TECTA: variants seen among roughly 807,000 people sequenced by gnomAD.
The protein encoded by TECTA is alpha-tectorin.
Under a neutral mutation model 216.8 loss-of-function variants are expected in TECTA, and 128 were observed. The ratio of observed to expected loss-of-function variants is 0.59; its 90% confidence interval spans 0.51 to 0.68. The LOEUF is 0.68. TECTA is among the 30% of genes least tolerant of loss of function. The pLI is 0.00. For synonymous variants in TECTA, 1,089 were observed against 1,117.1 expected, an observed-to-expected ratio of 0.97 and a Z score of 0.50; for missense variants, 2,551 against 2,786.2, an observed-to-expected ratio of 0.92 and a Z score of 1.90.
intron 10 of TECTA, among the ~76,000 whole-genome samples, chr11:121,136,987 T>C (rs1946733367): frequency 6.6e-6 from 1 of 152,214 alleles, no homozygotes; most frequent in South Asian, 2.1e-4. Flanking sequence ...GAAAGCTAGG[T>C]GCCCTAGCAG....
At position 121,157,876 on chromosome 11, in the gene TECTA, G is replaced by A; in HGVS notation, c.4341G>A (p.Arg1447=). The A allele has an allele frequency of 1.2e-6, 2 of 1,614,214 alleles. No individual in the cohort carries two copies. The highest frequency in any genetic ancestry group is 1.7e-6 in the Non-Finnish European group (2 of 1,180,044). Residue 1447 remains arginine (R), a synonymous_variant, in exon 14 of 24, where the codon CGG becomes CGA. Transcript: ENST00000392793. ...KQLFWNSDCT[R]RCRCFRRNVI... ...TATTTTGGAACAGCGACTGCACGCG[G>A]CGCTGCCGCTGTTTCCGTCGCAACG...
intron 7 of TECTA, among the ~76,000 whole-genome samples, chr11:121,120,175 G>A (rs186492500): frequency 6.6e-6 from 1 of 151,918 alleles, no homozygotes; most frequent in East Asian, 1.9e-4. Context: ...TTTTTTAGAA[G>A]GAAAGGGACA....
intron 15 of TECTA, 90 bp from the exon 16 acceptor site, chr11:121,161,985 A>G: frequency 6.4e-7 from 1 of 1,556,244 alleles, no homozygotes; most frequent in South Asian, 1.1e-5. Context: ...ACAATGCACT[A>G]GCTTCAGGGG....
intron 16 of TECTA, among the ~76,000 whole-genome samples, chr11:121,163,783 G>A (rs1190056997): frequency 2.6e-5 from 4 of 152,134 alleles, no homozygotes; most frequent in Admixed American, 1.3e-4. Flanking sequence ...GTAAATAAAC[G>A]TGTCCTTCCT....
rs554203373 is a variant in TECTA at position 121,158,118 on chromosome 11, T to C, written c.4583T>C (p.Ile1528Thr). Residue 1528 changes from isoleucine (I) to threonine (T), a missense_variant, in exon 14 of 24, where the codon ATC becomes ACC. Ile to Thr is a moderately conservative substitution (Grantham distance 89). Around this residue, in one of 3 missense-constraint regions of TECTA, gnomAD observed 2,375 missense variants for 2,563.9 expected, o/e 0.93. Transcript: ENST00000392793. ...QKLPDISFQL[I>T]INFDKWSAPN... ...CTGCCCGACATCTCCTTCCAGCTTATCATCAACTTCGACAAGTGGTCGGCC... is the reference window on the plus strand; with the variant it reads ...CTGCCCGACATCTCCTTCCAGCTTACCATCAACTTCGACAAGTGGTCGGCC... 3.7e-6 allele frequency: 6 copies of C among 1,614,204 alleles called. No individual in the cohort carries two copies. The African/African-American group carries it at 8.0e-5, about 22-fold the overall frequency.
intron 7 of TECTA, among the ~76,000 whole-genome samples, chr11:121,123,320 G>T (rs899235328): frequency 6.6e-6 from 1 of 152,110 alleles, no homozygotes; most frequent in Non-Finnish European, 1.5e-5. Flanking sequence ...TTACTCACCC[G>T]TACTAGATGC....
intron 20 of TECTA, among the ~76,000 whole-genome samples, chr11:121,182,638 T>C (rs1338797160): frequency 2.0e-5 from 3 of 152,102 alleles, no homozygotes; most frequent in Non-Finnish European, 4.4e-5. Context: ...GGGGCAGGTC[T>C]GTTGTCAGGC....
chr11:121,168,222 G>A lies in TECTA; in HGVS notation c.5750+5G>A, dbSNP rs1947075024. 1 of 1,614,012 alleles carries A rather than the reference G, an allele frequency of 6.2e-7. No homozygotes were observed. Among genetic ancestry groups the A allele is most frequent in the African/African-American group, 1.3e-5 (1 of 74,912 alleles). ...TGTTGTGAAGCCTATGCTAAGGTAA[G>A]GTGTCTCCTGGGCTGTGCACATTGC... On this transcript the variant is annotated splice_donor_5th_base_variant and intron_variant, in intron 19 of 23. Transcript: ENST00000392793.
Position 121,162,328 on chromosome 11 carries a change from T to C in TECTA, c.5230T>C (p.Phe1744Leu). The C allele has an allele frequency of 6.2e-7, 1 of 1,613,748 alleles. No individual in the cohort carries two copies. Among genetic ancestry groups the C allele is most frequent in the South Asian group, 1.1e-5 (1 of 91,086 alleles). ...CGCCTACGGGGAGGCCTGCCGCTCCTTCGGGATCCTTAGCACCGAGTGGAT... is the reference window on the plus strand; with the variant it reads ...CGCCTACGGGGAGGCCTGCCGCTCCCTCGGGATCCTTAGCACCGAGTGGAT... Reference protein sequence around the residue: ...LAAYGEACRSFGILSTEWIEK... With the variant: ...LAAYGEACRSLGILSTEWIEK... Residue 1744 changes from phenylalanine (F) to leucine (L), a missense_variant, in exon 16 of 24, where the codon TTC becomes CTC. Around this residue, in one of 3 missense-constraint regions of TECTA, gnomAD observed 2,375 missense variants for 2,563.9 expected, o/e 0.93. Coordinates refer to ENST00000392793, the MANE Select transcript of TECTA (RefSeq NM_005422.4).
At chr11:121,177,942 A>G (rs1256769531) in intron 20 of TECTA, among the ~76,000 whole-genome samples, 1 of 152,166 alleles carries the variant, frequency 6.6e-6, no homozygotes, top group Non-Finnish European at 1.5e-5. Context: ...CTGCTGTGCT[A>G]CCAATCAGCG....
chr11:121,188,172 T>A (rs1947306432), intron 21 of TECTA, among the ~76,000 whole-genome samples, 178 bp downstream of exon 21: 1 of 152,202 alleles, frequency 6.6e-6, no homozygotes. Flanking sequence ...TATTTACTCT[T>A]CTATCTCTGA....
intron 7 of TECTA, among the ~76,000 whole-genome samples, chr11:121,123,722 T>A (rs1417743766): frequency 6.6e-6 from 1 of 152,238 alleles, no homozygotes; most frequent in African/African-American, 2.4e-5. Context: ...AAAGCAGAAG[T>A]CAGATCGTGC....
At chr11:121,157,309 A>C (rs1447386243) in intron 13 of TECTA, among the ~76,000 whole-genome samples, 1 of 152,174 alleles carries the variant, frequency 6.6e-6, no homozygotes. Flanking sequence ...TCTTGATTAA[A>C]ATCAATCAAG....
chr11:121,133,024 G>A (rs376361413), intron 10 of TECTA, among the ~76,000 whole-genome samples: 4 of 152,222 alleles, frequency 2.6e-5, no homozygotes, highest in East Asian at 3.9e-4. Flanking sequence ...GAGCCACCAC[G>A]CCCGGCCAGT....
Position 121,191,243 on chromosome 11 carries a change from G to A in TECTA, c.*437G>A. 3.7e-6 allele frequency: 1 copy of A among 273,514 alleles called. No homozygotes were observed. The highest frequency in any genetic ancestry group is 2.2e-5 in the African/African-American group (1 of 45,206). The allele number at this position is 273,514 out of a possible 1,614,324, so 16.9% of individuals were successfully genotyped here. Reference sequence around the variant, plus strand: ...GACTGGAAGGTTTGACTCCCTCTAAGGAATCTTGCTGGTGTTTGGAAGTGT... The same window carrying A: ...GACTGGAAGGTTTGACTCCCTCTAAAGAATCTTGCTGGTGTTTGGAAGTGT... On this transcript the variant is annotated 3_prime_UTR_variant, in exon 24 of 24. Transcript: ENST00000392793.
intron 10 of TECTA, among the ~76,000 whole-genome samples, chr11:121,135,801 C>T (rs1049297082): frequency 7.9e-5 from 12 of 152,310 alleles, no homozygotes; most frequent in East Asian, 1.9e-4. Flanking sequence ...GTGGGGACTT[C>T]GCTGATCTTT....
In TECTA at chr11:121,113,738, T is replaced by C. The variant is rs1326093432; in HGVS notation, c.790+20T>C. 6.2e-7 allele frequency: 1 copy of C among 1,612,576 alleles called. No individual in the cohort carries two copies. Among genetic ancestry groups the C allele is most frequent in the Non-Finnish European group, 8.5e-7 (1 of 1,179,878 alleles). ...CAAGGGGTAAAGCTTTTCCTCTGTCTGTGGCAAGGCAGGGTTTGTTTAGTG... is the reference window on the plus strand; with the variant it reads ...CAAGGGGTAAAGCTTTTCCTCTGTCCGTGGCAAGGCAGGGTTTGTTTAGTG... On this transcript the variant is annotated intron_variant, in intron 6 of 23. Coordinates refer to ENST00000392793, the MANE Select transcript of TECTA (RefSeq NM_005422.4). The surrounding 1 kb of genome is among the most constrained non-coding windows in gnomAD (Gnocchi z 4.2).
intron 20 of TECTA, among the ~76,000 whole-genome samples, chr11:121,181,105 C>G (rs1947224034): frequency 6.6e-6 from 1 of 152,100 alleles, no homozygotes; most frequent in African/African-American, 2.4e-5. Flanking sequence ...GCAGAAGTTG[C>G]AGTGAGCTGA....
intron 14 of TECTA, 116 bp downstream of exon 14, chr11:121,158,340 G>A: frequency 1.4e-6 from 2 of 1,387,378 alleles, no homozygotes; most frequent in South Asian, 1.2e-5. Flanking sequence ...GCTTCATGGT[G>A]TTCCACACAC....
Sources: gnomAD v4.1 joint callset for allele counts (sites outside exome capture counted in the v4.1 genomes callset) on GRCh38, gnomAD v4.1.1 for gene constraint, gnomAD v4.1.1 regional missense constraint, Gnocchi (gnomAD v3.1) non-coding constraint, MANE v1.5 for transcripts, NCBI Gene and HGNC (gene_info 2026-07-23, HGNC 2026-07-21) for gene names.